The following GLYATL2 variants were observed in gnomAD, a reference collection of about 807,000 sequenced individuals.
GLYATL2 encodes the protein glycine-N-acyltransferase like 2.
A neutral mutation model predicts 21.4 loss-of-function variants in GLYATL2; 25 were observed. That is an observed-to-expected ratio of 1.17 (90% CI 0.85 to 1.63). The LOEUF (loss-of-function observed/expected upper bound fraction) is 1.63, where lower values mean the gene tolerates loss of function less well. Ranked by LOEUF, GLYATL2 falls within the 40% of genes most tolerant of loss-of-function variation. GLYATL2 has a pLI of 0.00. For missense variants in GLYATL2, 361 were observed against 343.3 expected (o/e 1.05, Z -0.41); for synonymous variants, 114 against 118.2 (o/e 0.96, Z 0.23).
Position 58,868,483 on chromosome 11 carries a change from G to A in GLYATL2, n.61-30115C>T, listed in dbSNP as rs563516829. Among the ~76,000 whole-genome samples the A allele has an allele frequency of 1.3e-4, 20 of 149,066 alleles. 2 individuals carry two copies. The South Asian group carries it at 4.3e-3, about 32-fold the overall frequency. ...AAACTCATAATTTTAGTTGGTCAGG[G>A]AGATGGATTTGAGACCGAACTTGCA... On this transcript the variant is annotated intron_variant and non_coding_transcript_variant, in intron 1 of 4. Coordinates refer to the GLYATL2 transcript ENST00000533636.
Position 58,875,046 on chromosome 11 carries a change from G to T in GLYATL2, n.60+29110C>A, listed in dbSNP as rs563649092. Among the ~76,000 whole-genome samples, 5 of 152,186 alleles carry T rather than the reference G, an allele frequency of 3.3e-5. No homozygotes were observed. The East Asian group carries it at 9.6e-4, about 29-fold the overall frequency. The stretch of plus-strand genomic sequence containing the variant: ...TTGATCCCTTTACCATTATGTAATG[G>T]CCTTCTTTGTCTCTTTTGATCTTTG... On this transcript the variant is annotated intron_variant and non_coding_transcript_variant, in intron 1 of 4. Transcript: ENST00000533636.
upstream of GLYATL2, among the ~76,000 whole-genome samples, chr11:58,904,856 A>G (rs1854823151): frequency 6.6e-6 from 1 of 152,222 alleles, no homozygotes; most frequent in African/African-American, 2.4e-5. Flanking sequence ...GAGTTACAAA[A>G]TAATTTTCAC....
At chr11:58,843,829 G>T (rs1454677749) in intron 1 of GLYATL2, among the ~76,000 whole-genome samples, 1 of 152,114 alleles carries the variant, frequency 6.6e-6, no homozygotes, top group East Asian at 1.9e-4. Context: ...TAGGGCTGTT[G>T]GCTTCAACTC....
chr11:58,897,299 A>G (rs2134626888), intron 1 of GLYATL2, among the ~76,000 whole-genome samples: 1 of 152,320 alleles, frequency 6.6e-6, no homozygotes, highest in South Asian at 2.1e-4. Context: ...GGACAGTCCA[A>G]AAGAAACTCT....
At chr11:58,853,499 T>C (rs1853776274) in intron 1 of GLYATL2, among the ~76,000 whole-genome samples, 1 of 152,200 alleles carries the variant, frequency 6.6e-6, no homozygotes, top group Admixed American at 6.5e-5. Context: ...TCCTCCAGGA[T>C]ACTGAGGGAC....
intron 1 of GLYATL2, among the ~76,000 whole-genome samples, chr11:58,871,255 G>C (rs1854113013): frequency 6.6e-6 from 1 of 151,806 alleles, no homozygotes; most frequent in South Asian, 2.1e-4. Flanking sequence ...TTGGGAGGTA[G>C]AATGATTTTA....
chr11:58,876,717 G>T (rs186246676), intron 1 of GLYATL2, among the ~76,000 whole-genome samples: 5 of 152,338 alleles, frequency 3.3e-5, no homozygotes, highest in Non-Finnish European at 5.9e-5. Flanking sequence ...GTGCCTCCCA[G>T]TTAGGCTACT....
the GLYATL2 span, among the ~76,000 whole-genome samples, chr11:58,909,820 G>T: frequency 6.6e-6 from 1 of 152,128 alleles, no homozygotes; most frequent in African/African-American, 2.4e-5. Context: ...CAATAAAATG[G>T]ATTCATTTGT....
intron 1 of GLYATL2, among the ~76,000 whole-genome samples, chr11:58,865,464 A>T (rs898236638): frequency 6.7e-6 from 1 of 149,202 alleles, no homozygotes; most frequent in Non-Finnish European, 1.5e-5. Context: ...CAAGAGGAAG[A>T]GACTCATGGT....
chr11:58,849,534 C>A (rs958883755), upstream of GLYATL2, among the ~76,000 whole-genome samples: 1 of 152,064 alleles, frequency 6.6e-6, no homozygotes, highest in Non-Finnish European at 1.5e-5. Flanking sequence ...TAGCAAGACA[C>A]AAGACTGAAG....
At chr11:58,857,888 CAAAAAAAAAAA>C (rs545952478) in intron 1 of GLYATL2, among the ~76,000 whole-genome samples, 3 of 108,446 alleles carry the variant, frequency 2.8e-5, no homozygotes, top group African/African-American at 3.7e-5. Flanking sequence ...TTTTCCCCTC[CAAAAAAAAAAA>C]AAAAAAAAAA....
chr11:58,869,717 A>G (rs979195926), intron 1 of GLYATL2, among the ~76,000 whole-genome samples: 15 of 152,240 alleles, frequency 9.9e-5, no homozygotes, highest in African/African-American at 3.6e-4. Context: ...AGTATTTTTC[A>G]TGTTCATGTT....
chr11:58,898,183 C>T (rs556291098), intron 1 of GLYATL2, among the ~76,000 whole-genome samples: 5 of 147,998 alleles, frequency 3.4e-5, no homozygotes, highest in Non-Finnish European at 7.5e-5. Context: ...TCTCCTGTAC[C>T]CCAATAAGAC....
chr11:58,868,306 T>C (rs927833857), intron 1 of GLYATL2, among the ~76,000 whole-genome samples: 1 of 148,802 alleles, frequency 6.7e-6, no homozygotes, highest in Non-Finnish European at 1.5e-5. Flanking sequence ...AAAGGAGCCA[T>C]AGGTACCTCA....
intron 1 of GLYATL2, among the ~76,000 whole-genome samples, chr11:58,860,539 A>G (rs767559133): frequency 2.0e-5 from 3 of 152,104 alleles, no homozygotes; most frequent in Non-Finnish European, 2.9e-5. Flanking sequence ...ACCATGCTAT[A>G]TGCAAACAGG....
At chr11:58,861,692 T>G (rs1176431123) in intron 1 of GLYATL2, among the ~76,000 whole-genome samples, 1 of 152,038 alleles carries the variant, frequency 6.6e-6, no homozygotes, top group South Asian at 2.1e-4. Context: ...GTAAATGTTT[T>G]GAAGCATCTT....
intron 1 of GLYATL2, among the ~76,000 whole-genome samples, chr11:58,853,625 C>T (rs1853779300): frequency 6.6e-6 from 1 of 152,146 alleles, no homozygotes; most frequent in Non-Finnish European, 1.5e-5. Context: ...AAAATTGGGA[C>T]TCTGAAACAA....
chr11:58,843,486 A>C (rs1390351751), intron 1 of GLYATL2, among the ~76,000 whole-genome samples: 2 of 152,192 alleles, frequency 1.3e-5, no homozygotes, highest in African/African-American at 4.8e-5. Flanking sequence ...GTAGAAGCAG[A>C]GAAGACAAAT....
intron 1 of GLYATL2, among the ~76,000 whole-genome samples, chr11:58,878,047 C>G (rs1378099561): frequency 2.0e-5 from 3 of 152,186 alleles, no homozygotes; most frequent in South Asian, 2.1e-4. Flanking sequence ...AAGGCAAACA[C>G]CCAGTTGTAA....
Sources: gnomAD v4.1 joint callset for allele counts (sites outside exome capture counted in the v4.1 genomes callset) on GRCh38, gnomAD v4.1.1 for gene constraint, MANE v1.5 for transcripts, NCBI Gene and HGNC (gene_info 2026-07-23, HGNC 2026-07-21) for gene names.